The following CEP83 variants were observed in gnomAD, a reference collection of about 807,000 sequenced individuals.
CEP83 encodes centrosomal protein of 83 kDa.
Under a neutral mutation model 101.9 loss-of-function variants are expected in CEP83, and 70 were observed. The ratio of observed to expected loss-of-function variants is 0.69; its 90% CI spans 0.57 to 0.84. CEP83 has a LOEUF of 0.84. Among genes scored for constraint, CEP83 ranks in the 40% least tolerant of loss-of-function variants. The probability of loss-of-function intolerance (pLI) is 0.00; values close to 1 mark genes in which losing one functional copy is unlikely to be tolerated. For synonymous variants in CEP83, 264 were observed against 267.9 expected (o/e 0.99, Z 0.14); for missense variants, 715 against 787.2 (o/e 0.91, Z 1.10).
chr12:94,339,125 C>T (rs553132457), intron 11 of CEP83, among the ~76,000 whole-genome samples: 3 of 152,092 alleles, frequency 2.0e-5, no homozygotes, highest in Non-Finnish European at 2.9e-5. Context: ...CCACCACGCC[C>T]GGCTAATTTT....
At chr12:94,422,620 T>C (rs914630810) in intron 2 of CEP83, among the ~76,000 whole-genome samples, 3 of 152,150 alleles carry the variant, frequency 2.0e-5, no homozygotes, top group African/African-American at 7.2e-5. Flanking sequence ...TCCTTCCCCA[T>C]CACCCCACCC....
At chr12:94,357,911 G>C (rs974049619) in intron 11 of CEP83, among the ~76,000 whole-genome samples, 3 of 152,166 alleles carry the variant, frequency 2.0e-5, no homozygotes, top group African/African-American at 7.2e-5. Flanking sequence ...GAAATTAAAC[G>C]AACAGGAGGA....
At chr12:94,292,876 T>C in the CEP83 span, among the ~76,000 whole-genome samples, 44 of 152,334 alleles carry the variant, frequency 2.9e-4, 1 homozygote, top group South Asian at 8.9e-3. Flanking sequence ...AACCTGTATA[T>C]ACCTACAGAA....
the CEP83 span, among the ~76,000 whole-genome samples, chr12:94,281,573 T>A: frequency 6.8e-6 from 1 of 146,566 alleles, no homozygotes; most frequent in Non-Finnish European, 1.5e-5. Flanking sequence ...GTTTTTTATA[T>A]GCAACTTAAA....
At chr12:94,277,193 G>A in the CEP83 span, 93,431 of 151,808 alleles carry the variant, frequency 0.62, 28,801 homozygotes, top group Middle Eastern at 0.68. Context: ...TTCCTGCTGG[G>A]TCCTCACATG....
chr12:94,331,810 T>TC lies in CEP83; in HGVS notation c.1596dup (p.Ile533AspfsTer9). On this transcript the variant is annotated frameshift_variant, in exon 14 of 17. Transcript: ENST00000397809. LOFTEE classifies it high-confidence loss of function. ...TTATGCTTTTCTTCCAACCACTGTA[T>TC]CTGTTTCTCTTCCAATGTCCTGTCA... 1 of 1,612,930 alleles carries TC rather than the reference T, an allele frequency of 6.2e-7. No individual in the cohort carries two copies. The highest frequency in any genetic ancestry group is 8.5e-7 in the Non-Finnish European group (1 of 1,178,892).
intron 1 of CEP83, among the ~76,000 whole-genome samples, chr12:94,450,030 T>C (rs2067134016): frequency 6.6e-6 from 1 of 152,136 alleles, no homozygotes; most frequent in Admixed American, 6.5e-5. Context: ...AGGGCATCTA[T>C]AGAAAATCTA....
At chr12:94,416,579 A>C (rs79339978) in intron 2 of CEP83, among the ~76,000 whole-genome samples, 4,037 of 132,304 alleles carry the variant, frequency 0.031, 56 homozygotes, top group Middle Eastern at 0.034. Context: ...CACACAAAAA[A>C]AAAAAAACTG....
the CEP83 span, chr12:94,272,411 A>G: frequency 6.6e-6 from 1 of 152,366 alleles, no homozygotes; most frequent in African/African-American, 2.4e-5. Flanking sequence ...GTCACCAGCC[A>G]TCTTTTAAGG....
chr12:94,375,661 A>G (rs532449003), intron 8 of CEP83, among the ~76,000 whole-genome samples: 2 of 152,354 alleles, frequency 1.3e-5, no homozygotes, highest in South Asian at 4.1e-4. Context: ...ATTTCAATAC[A>G]GAGAACTAAA....
chr12:94,366,814 GAA>G (rs1451052600), intron 11 of CEP83, among the ~76,000 whole-genome samples: 1 of 152,054 alleles, frequency 6.6e-6, no homozygotes. Flanking sequence ...CAGGGAAAGT[GAA>G]AGAGAATCAC....
chr12:94,266,110 C>T, the CEP83 span, among the ~76,000 whole-genome samples: 1 of 152,182 alleles, frequency 6.6e-6, no homozygotes, highest in Non-Finnish European at 1.5e-5. Context: ...ATTAAGAGAG[C>T]TGAGTCTTCT....
intron 14 of CEP83, among the ~76,000 whole-genome samples, chr12:94,323,207 G>T (rs576150890): frequency 5.9e-5 from 9 of 152,220 alleles, no homozygotes; most frequent in African/African-American, 2.2e-4. Context: ...GGTATGTACA[G>T]GGGTCTAACG....
chr12:94,389,934 G>A (rs1387010604), intron 6 of CEP83, among the ~76,000 whole-genome samples: 1 of 152,224 alleles, frequency 6.6e-6, no homozygotes, highest in African/African-American at 2.4e-5. Context: ...CCCCATTGCT[G>A]AGGCTTGAGT....
At chr12:94,339,117 A>T (rs555303725) in intron 11 of CEP83, among the ~76,000 whole-genome samples, 1 of 152,190 alleles carries the variant, frequency 6.6e-6, no homozygotes, top group South Asian at 2.1e-4. Flanking sequence ...GGCATCCACC[A>T]CCACGCCCGG....
intron 11 of CEP83, among the ~76,000 whole-genome samples, chr12:94,339,567 T>G (rs1369015986): frequency 4.4e-4 from 67 of 152,328 alleles, no homozygotes; most frequent in Non-Finnish European, 5.9e-5. Flanking sequence ...CAGCAAAGGC[T>G]CTAATGTAAC....
intron 6 of CEP83, among the ~76,000 whole-genome samples, chr12:94,396,149 AAT>A (rs1274825076): frequency 2.0e-5 from 3 of 152,150 alleles, no homozygotes; most frequent in African/African-American, 7.2e-5. Flanking sequence ...ATTTCCAGAA[AAT>A]ATGAGTCCTA....
At chr12:94,284,145 G>A in the CEP83 span, among the ~76,000 whole-genome samples, 1 of 151,540 alleles carries the variant, frequency 6.6e-6, no homozygotes, top group Admixed American at 6.6e-5. Context: ...CTGGTCTTAG[G>A]TTTTACAATA....
At chr12:94,307,506 A>G (rs565117088), downstream of CEP83, 7 of 152,138 alleles carry the variant, frequency 4.6e-5, no homozygotes, top group East Asian at 1.3e-3. Context: ...CCATTTATAA[A>G]CTTTTTTTTC....
Sources: gnomAD v4.1 joint callset for allele counts (sites outside exome capture counted in the v4.1 genomes callset) on GRCh38, gnomAD v4.1.1 for gene constraint, MANE v1.5 for transcripts, NCBI Gene and HGNC (gene_info 2026-07-23, HGNC 2026-07-21) for gene names.